MYO5B: variants seen among roughly 807,000 people sequenced by gnomAD.
MYO5B encodes the protein myosin VB.
A neutral mutation model predicts 229.3 loss-of-function variants in MYO5B; 143 were observed. The ratio of observed to expected loss-of-function variants is 0.62; its 90% CI spans 0.54 to 0.72. The LOEUF (loss-of-function observed/expected upper bound fraction) is 0.72, where lower values mean the gene tolerates loss of function less well. Among genes scored for constraint, MYO5B ranks in the 30% least tolerant of loss-of-function variants. The probability of loss-of-function intolerance (pLI) is 0.00; values close to 1 mark genes in which losing one functional copy is unlikely to be tolerated. For synonymous variants in MYO5B, 918 were observed against 885.2 expected (o/e 1.04, Z -0.66); for missense variants, 2,321 against 2,331.0 (o/e 1.00, Z 0.09).
intron 1 of MYO5B, among the ~76,000 whole-genome samples, chr18:50,062,478 A>G (rs1327592815): frequency 6.6e-6 from 1 of 152,262 alleles, no homozygotes; most frequent in Non-Finnish European, 1.5e-5. Context: ...GCAAAACAGC[A>G]GTTTCCCAAG....
intron 38 of MYO5B, among the ~76,000 whole-genome samples, chr18:49,835,702 A>T (rs773560978): frequency 6.6e-6 from 1 of 152,168 alleles, no homozygotes; most frequent in African/African-American, 2.4e-5. Context: ...CACAATGAGG[A>T]GTTTAGAATG....
At chr18:49,945,133 C>T (rs559154331) in intron 14 of MYO5B, among the ~76,000 whole-genome samples, 1 of 152,136 alleles carries the variant, frequency 6.6e-6, no homozygotes, top group Non-Finnish European at 1.5e-5. Context: ...CCTGCACTTC[C>T]ATCCTTTGCA....
chr18:50,067,077 T>C (rs183366770), intron 1 of MYO5B, among the ~76,000 whole-genome samples: 257 of 152,220 alleles, frequency 1.7e-3, no homozygotes, highest in African/African-American at 5.7e-3. Flanking sequence ...AAAGACTTAG[T>C]AGAGTTTAGG....
chr18:49,857,611 C>T (rs192225034), intron 29 of MYO5B, among the ~76,000 whole-genome samples: 60 of 152,336 alleles, frequency 3.9e-4, no homozygotes, highest in Non-Finnish European at 7.5e-4. Context: ...AATGATGTCT[C>T]CCCTTGACCT....
intron 1 of MYO5B, among the ~76,000 whole-genome samples, chr18:50,105,920 C>A (rs2031751182): frequency 6.6e-6 from 1 of 152,102 alleles, no homozygotes; most frequent in Non-Finnish European, 1.5e-5. Context: ...CAAAGACTCA[C>A]ATAAACACAT....
intron 2 of MYO5B, among the ~76,000 whole-genome samples, chr18:50,054,999 C>T (rs2030506207): frequency 6.6e-6 from 1 of 152,190 alleles, no homozygotes. Flanking sequence ...GTTCCCTCCA[C>T]TCCACTGAAG....
At chr18:50,114,175 C>G (rs1057243420) in intron 1 of MYO5B, among the ~76,000 whole-genome samples, 1 of 151,978 alleles carries the variant, frequency 6.6e-6, no homozygotes, top group Non-Finnish European at 1.5e-5. Flanking sequence ...AACTGAGATG[C>G]CAGCCAGCAA....
intron 29 of MYO5B, among the ~76,000 whole-genome samples, chr18:49,858,686 G>A (rs554992362): frequency 1.3e-5 from 2 of 152,374 alleles, no homozygotes; most frequent in South Asian, 4.1e-4. Context: ...GCCTCACAGG[G>A]CCATACTCCC....
At position 49,992,258 on chromosome 18, in the gene MYO5B, A is replaced by G. The variant is rs777975794; in HGVS notation, c.756+30T>C. On this transcript the variant is annotated intron_variant, in intron 6 of 39. Transcript: ENST00000285039. The stretch of plus-strand genomic sequence containing the variant: ...AGTAAGGTAATTGTCCATGAGAAAT[A>G]CACAAAAGGGCGCAAATCCTCCCAC... 4 of 1,614,106 alleles carry G rather than the reference A, an allele frequency of 2.5e-6. No homozygotes were observed. In the South Asian group the frequency reaches 3.3e-5, roughly 13 times the overall value.
At chr18:49,998,482 C>T (rs1344729037) in intron 5 of MYO5B, among the ~76,000 whole-genome samples, 1 of 152,170 alleles carries the variant, frequency 6.6e-6, no homozygotes, top group Non-Finnish European at 1.5e-5. Flanking sequence ...GTTCCCACAG[C>T]CTAGCGGCCT....
intron 14 of MYO5B, among the ~76,000 whole-genome samples, chr18:49,942,380 C>CAAAAAAA (rs753691754): frequency 3.1e-4 from 10 of 32,718 alleles, no homozygotes; most frequent in East Asian, 8.6e-4. Context: ...TTCTGCACAG[C>CAAAAAAA]AAAAAAAAAA....
chr18:49,941,798 G>C (rs1478702214), intron 14 of MYO5B, among the ~76,000 whole-genome samples: 84 of 122,154 alleles, frequency 6.9e-4, no homozygotes, highest in South Asian at 1.0e-3. Flanking sequence ...AGCTACCAAT[G>C]ACTTTCTTCA....
intron 22 of MYO5B, among the ~76,000 whole-genome samples, chr18:49,887,961 C>A (rs916606772): frequency 2.0e-5 from 3 of 152,140 alleles, no homozygotes; most frequent in Non-Finnish European, 2.9e-5. Flanking sequence ...GCTGGGATTA[C>A]AGACATGAGC....
At chr18:50,163,210 C>G (rs1411570972) in intron 1 of MYO5B, among the ~76,000 whole-genome samples, 1 of 151,986 alleles carries the variant, frequency 6.6e-6, no homozygotes, top group Non-Finnish European at 1.5e-5. Context: ...TTTCCTTTTT[C>G]CTCCCCATAC....
intron 8 of MYO5B, among the ~76,000 whole-genome samples, chr18:49,982,723 T>C (rs748087976): frequency 1.3e-5 from 2 of 152,226 alleles, no homozygotes; most frequent in African/African-American, 4.8e-5. Flanking sequence ...CAGAGTTGAA[T>C]GCTTTGCAAC....
intron 4 of MYO5B, among the ~76,000 whole-genome samples, chr18:50,003,957 C>T (rs1056048666): frequency 3.3e-5 from 5 of 152,146 alleles, no homozygotes; most frequent in African/African-American, 1.2e-4. Flanking sequence ...GTCAACACAG[C>T]ACACACAGGA....
At chr18:49,931,498 C>T (rs2025191357) in intron 16 of MYO5B, among the ~76,000 whole-genome samples, 1 of 152,202 alleles carries the variant, frequency 6.6e-6, no homozygotes, top group African/African-American at 2.4e-5. Context: ...AAAACATTTC[C>T]TTCAGAAGAC....
intron 4 of MYO5B, among the ~76,000 whole-genome samples, chr18:50,004,398 A>C (rs149035743): frequency 9.3e-4 from 141 of 152,334 alleles, no homozygotes; most frequent in African/African-American, 3.3e-3. Flanking sequence ...CTTTTGGGGA[A>C]CAAGTCTTGG....
chr18:49,989,193 G>T (rs920070414), intron 7 of MYO5B, among the ~76,000 whole-genome samples: 1 of 152,198 alleles, frequency 6.6e-6, no homozygotes, highest in Non-Finnish European at 1.5e-5. Context: ...TTGCTAAGTT[G>T]CATGGTACAA....
Sources: gnomAD v4.1 joint callset for allele counts (sites outside exome capture counted in the v4.1 genomes callset) on GRCh38, gnomAD v4.1.1 for gene constraint, MANE v1.5 for transcripts, NCBI Gene and HGNC (gene_info 2026-07-23, HGNC 2026-07-21) for gene names.